The following GMPS variants were observed in gnomAD, a reference collection of about 807,000 sequenced individuals.
GMPS encodes guanosine monophosphate synthase, also known as GMP synthase [glutamine-hydrolyzing].
Under a neutral mutation model 77.9 loss-of-function variants are expected in GMPS, and 15 were observed. The ratio of observed to expected loss-of-function variants is 0.19; its 90% CI spans 0.13 to 0.30. The LOEUF (loss-of-function observed/expected upper bound fraction) is 0.30. GMPS is among the 10% of genes least tolerant of loss of function. The pLI, the probability that GMPS is intolerant of heterozygous loss-of-function variation, is 1.00. For missense variants in GMPS, 590 were observed against 838.8 expected, an observed-to-expected ratio of 0.70 and a Z score of 3.66; for synonymous variants, 224 against 275.9, an observed-to-expected ratio of 0.81 and a Z score of 1.86.
At chr3:155,892,099 T>A (rs1366328909) in intron 1 of GMPS, among the ~76,000 whole-genome samples, 1 of 152,194 alleles carries the variant, frequency 6.6e-6, no homozygotes, top group African/African-American at 2.4e-5. Flanking sequence ...ATTGTAAACA[T>A]TTAGGACATA....
In GMPS at chr3:155,940,998, A is replaced by G. The variant is rs539573194; in HGVS notation, c.*3306A>G. ...CTTTGGCTTTGACACTAATGAAGTC[A>G]CCCATCATCAATTACATACAGCTAA... On this transcript the variant is annotated 3_prime_UTR_variant, in exon 16 of 16. Transcript: ENST00000496455. 20 of 202,832 alleles carry G rather than the reference A, an allele frequency of 9.9e-5. No individual in the cohort carries two copies. In the South Asian group the frequency reaches 3.6e-3, roughly 37 times the overall value. 12.6% of individuals were successfully genotyped at this position (202,832 alleles called of 1,614,324 possible).
At chr3:155,891,605 T>C (rs1754465908) in intron 1 of GMPS, among the ~76,000 whole-genome samples, 1 of 73,322 alleles carries the variant, frequency 1.4e-5, no homozygotes. Context: ...TGTTTGTTAC[T>C]TTTTTTTTTT....
chr3:155,919,822 G>A (rs892935008), intron 10 of GMPS, among the ~76,000 whole-genome samples: 1 of 152,138 alleles, frequency 6.6e-6, no homozygotes, highest in African/African-American at 2.4e-5. Context: ...ACTAATTCCT[G>A]AACAAATAAT....
intron 1 of GMPS, among the ~76,000 whole-genome samples, chr3:155,884,964 T>C (rs2108060392): frequency 6.6e-6 from 1 of 152,130 alleles, no homozygotes; most frequent in South Asian, 2.1e-4. Flanking sequence ...TAGAAGAGAG[T>C]CTGGACTACT....
At chr3:155,883,403 A>G (rs369685174) in intron 1 of GMPS, among the ~76,000 whole-genome samples, 6 of 152,314 alleles carry the variant, frequency 3.9e-5, no homozygotes, top group Non-Finnish European at 5.9e-5. Context: ...AAAAAAATGT[A>G]TAAATGTGTT....
At chr3:155,909,800 A>C (rs528102384) in intron 5 of GMPS, among the ~76,000 whole-genome samples, 2 of 151,962 alleles carry the variant, frequency 1.3e-5, no homozygotes, top group East Asian at 3.9e-4. Flanking sequence ...AAATTAGCTG[A>C]GTGTGGTGGC....
chr3:155,870,772 CT>C lies in GMPS; in HGVS notation c.-98del. On this transcript the variant is annotated 5_prime_UTR_variant, in exon 1 of 16. Coordinates refer to ENST00000496455, the MANE Select transcript of GMPS (RefSeq NM_003875.3). The stretch of plus-strand genomic sequence containing the variant: ...GCTGCCGGCTGCTCCTCGACCAGGC[CT>C]CCTTCTCAACCTCAGCCCGCGGCGC... The C allele has an allele frequency of 1.3e-6, 1 of 787,946 alleles. No individual in the cohort carries two copies. Among genetic ancestry groups the C allele is most frequent in the Admixed American group, 2.3e-5 (1 of 42,802 alleles). 48.8% of individuals were successfully genotyped at this position (787,946 alleles called of 1,614,324 possible). A position where few individuals can be genotyped will look rare whatever the true frequency, so the allele number is the denominator to read the frequency against.
chr3:155,875,161 G>T (rs115989410), intron 1 of GMPS, among the ~76,000 whole-genome samples: 2,283 of 150,990 alleles, frequency 0.015, 68 homozygotes, highest in African/African-American at 0.052. Flanking sequence ...CAAGTGAGTC[G>T]CTCACCTTGG....
intron 1 of GMPS, among the ~76,000 whole-genome samples, chr3:155,892,004 A>G (rs1197564520): frequency 6.6e-6 from 1 of 152,194 alleles, no homozygotes; most frequent in Admixed American, 6.5e-5. Flanking sequence ...GGTGGAAAAG[A>G]TTACACAAGT....
chr3:155,897,818 C>T (rs900937433), intron 2 of GMPS, 109 bp from the exon 3 acceptor site: 33 of 652,740 alleles, frequency 5.1e-5, no homozygotes, highest in East Asian at 3.8e-4. Context: ...CCAAAAACAA[C>T]GCAATTTCTG....
intron 9 of GMPS, among the ~76,000 whole-genome samples, chr3:155,917,437 C>T (rs1476817913): frequency 6.6e-6 from 1 of 152,190 alleles, no homozygotes; most frequent in African/African-American, 2.4e-5. Flanking sequence ...CACCATTCTG[C>T]TTTCTGTTTC....
rs1022343883 is a variant in GMPS at position 155,939,165 on chromosome 3, A to G, written c.*1473A>G. Reference sequence around the variant, plus strand: ...AAATCTGTCCCCAAGACAAAGGGGTACTTGACTCCTACAAAACTTAAAGGG... The same window carrying G: ...AAATCTGTCCCCAAGACAAAGGGGTGCTTGACTCCTACAAAACTTAAAGGG... On this transcript the variant is annotated 3_prime_UTR_variant, in exon 16 of 16. Coordinates refer to ENST00000496455, the MANE Select transcript of GMPS (RefSeq NM_003875.3). The G allele has an allele frequency of 1.8e-5, 4 of 219,778 alleles. No homozygotes were observed. The highest frequency in any genetic ancestry group is 3.6e-5 in the Non-Finnish European group (4 of 109,702). The allele number at this position is 219,778 out of a possible 1,614,324, so 13.6% of individuals were successfully genotyped here. A position where few individuals can be genotyped will look rare whatever the true frequency, so the allele number is the denominator to read the frequency against.
chr3:155,886,864 C>T (rs1754352012), intron 1 of GMPS, among the ~76,000 whole-genome samples: 1 of 152,024 alleles, frequency 6.6e-6, no homozygotes, highest in Admixed American at 6.6e-5. Context: ...GGGATGTCTT[C>T]CTGTTCTATG....
rs1484852844 is a variant in GMPS, at chr3:155,886,403, G to GTC, written c.28-7111_28-7110dup. On this transcript the variant is annotated intron_variant, in intron 1 of 15. Coordinates refer to ENST00000496455, the MANE Select transcript of GMPS (RefSeq NM_003875.3). ...AGCCCAGCCAACATAGTGAAACCCC[G>GTC]TCTCTACTAAAAATATGAAAAATTA... is the stretch of plus-strand genomic sequence containing the variant. Among the ~76,000 whole-genome samples the GTC allele has an allele frequency of 2.0e-5, 3 of 150,512 alleles. No homozygotes were observed. In the South Asian group the frequency reaches 6.4e-4, roughly 32 times the overall value.
chr3:155,932,305 CACACACACA>C (rs1755645901), intron 13 of GMPS, among the ~76,000 whole-genome samples: 9 of 151,806 alleles, frequency 5.9e-5, no homozygotes, highest in Admixed American at 5.9e-4. Flanking sequence ...CACACACACA[CACACACACA>C]CCCCTACAAA....
chr3:155,890,685 G>A lies in GMPS; in HGVS notation c.28-2833G>A, dbSNP rs987401038. ...TCTCCTAGAGTTGCTTTAATGTGAAGTATTTTCCTGGAGTCACTTCCTTTG... is the reference window on the plus strand; with the variant it reads ...TCTCCTAGAGTTGCTTTAATGTGAAATATTTTCCTGGAGTCACTTCCTTTG... On this transcript the variant is annotated intron_variant, in intron 1 of 15. Coordinates refer to ENST00000496455, the MANE Select transcript of GMPS (RefSeq NM_003875.3). Among the ~76,000 whole-genome samples the A allele has an allele frequency of 1.3e-4, 20 of 152,166 alleles. 1 individual carries two copies. Among genetic ancestry groups the A allele is most frequent in the African/African-American group, 4.3e-4 (18 of 41,430 alleles).
In GMPS at chr3:155,942,492, G is replaced by A. The variant is rs919634637; in HGVS notation, c.*4800G>A. 1.8e-5 allele frequency: 4 copies of A among 225,676 alleles called. No homozygotes were observed. The highest frequency in any genetic ancestry group is 3.5e-5 in the Non-Finnish European group (4 of 113,408). 14.0% of individuals were successfully genotyped at this position (225,676 alleles called of 1,614,324 possible). A position where few individuals can be genotyped will look rare whatever the true frequency, so the allele number is the denominator to read the frequency against. On this transcript the variant is annotated 3_prime_UTR_variant, in exon 16 of 16. Transcript: ENST00000496455. Reference sequence around the variant, plus strand: ...AGGTGAATCTTTGTCAAACCTATAGGAGAGAGATGCAGGCCATAGAGATGG... The same window carrying A: ...AGGTGAATCTTTGTCAAACCTATAGAAGAGAGATGCAGGCCATAGAGATGG...
At chr3:155,915,546 C>T (rs891313184) in intron 8 of GMPS, among the ~76,000 whole-genome samples, 25 of 152,136 alleles carry the variant, frequency 1.6e-4, no homozygotes, top group Non-Finnish European at 1.3e-4. Flanking sequence ...GGATTACAGG[C>T]GTGTGCCACC....
intron 5 of GMPS, among the ~76,000 whole-genome samples, chr3:155,907,640 A>G (rs1437510962): frequency 6.6e-6 from 1 of 152,188 alleles, no homozygotes. Context: ...CTTGTTTAAC[A>G]CTGGAAAAAG....
Sources: allele counts gnomAD v4.1 joint callset (sites outside exome capture counted in the v4.1 genomes callset), GRCh38; gene constraint gnomAD v4.1.1; transcripts MANE v1.5; gene names NCBI Gene and HGNC (gene_info 2026-07-23, HGNC 2026-07-21).